SNTG2: variants seen among roughly 807,000 people sequenced by gnomAD.
SNTG2 encodes the protein gamma-2-syntrophin.
In SNTG2, 74 loss-of-function variants were observed where a neutral mutation model predicts 70.9. The observed-to-expected ratio is 1.04, with a 90% CI of 0.86 to 1.27. The LOEUF (loss-of-function observed/expected upper bound fraction) is 1.27. Among genes scored for constraint, SNTG2 ranks in the 50% most tolerant of loss-of-function variants. The pLI is 0.00. For synonymous variants in SNTG2, 278 were observed against 273.8 expected (o/e 1.02, Z -0.15); for missense variants, 717 against 690.7 (o/e 1.04, Z -0.43).
intron 4 of SNTG2, among the ~76,000 whole-genome samples, chr2:1,105,685 G>C (rs1558404299): frequency 1.3e-5 from 2 of 152,270 alleles, no homozygotes; most frequent in East Asian, 3.9e-4. Flanking sequence ...CCTCCTATGA[G>C]ATTCTTCCTC....
At chr2:1,111,573 A>G (rs1039536117) in intron 4 of SNTG2, among the ~76,000 whole-genome samples, 1 of 152,242 alleles carries the variant, frequency 6.6e-6, no homozygotes, top group Admixed American at 6.5e-5. Context: ...GGCAGGTGTC[A>G]GCATCCACCA....
intron 1 of SNTG2, among the ~76,000 whole-genome samples, chr2:978,802 T>C (rs1200995369): frequency 3.3e-5 from 5 of 152,260 alleles, no homozygotes; most frequent in African/African-American, 1.2e-4. Context: ...GGCTGAGTCT[T>C]AGTCTCATGT....
intron 11 of SNTG2, among the ~76,000 whole-genome samples, chr2:1,242,964 C>T (rs962936943): frequency 1.3e-5 from 2 of 152,104 alleles, no homozygotes; most frequent in Non-Finnish European, 2.9e-5. Flanking sequence ...TTAGAAAATT[C>T]ATAATGTAGA....
intron 11 of SNTG2, among the ~76,000 whole-genome samples, chr2:1,244,885 G>A (rs1186308016): frequency 1.3e-5 from 2 of 151,938 alleles, no homozygotes; most frequent in African/African-American, 4.8e-5. Flanking sequence ...CTGCTCCGAA[G>A]ATTTAGATTT....
chr2:1,106,073 ACACCTGC>A (rs1666115723), intron 4 of SNTG2, among the ~76,000 whole-genome samples: 3 of 142,090 alleles, frequency 2.1e-5, no homozygotes, highest in South Asian at 2.5e-4. Context: ...GTAATAGTGG[ACACCTGC>A]TGTCACTCGG....
rs1360283812 is a variant in SNTG2, at chr2:1,167,655, AGAAG to A, written c.499+2021_499+2024del. Among the ~76,000 whole-genome samples the A allele has an allele frequency of 4.4e-4, 40 of 90,802 alleles. 11 individuals carry two copies. The highest frequency in any genetic ancestry group is 1.7e-3 in the Admixed American group (15 of 8,594). The allele number at this position is 90,802 out of a possible 152,430, so 59.6% of individuals were successfully genotyped here. The stretch of plus-strand genomic sequence containing the variant: ...CCCACAGACGGCAGAACTGAAGCCT[AGAAG>A]CCGCCCACAGACGGCAGAACTGAAG... On this transcript the variant is annotated intron_variant, in intron 7 of 16. Coordinates refer to ENST00000308624, the MANE Select transcript of SNTG2 (RefSeq NM_018968.4).
chr2:1,120,035 A>G (rs1475032093), intron 4 of SNTG2, among the ~76,000 whole-genome samples: 3 of 152,168 alleles, frequency 2.0e-5, no homozygotes, highest in Non-Finnish European at 4.4e-5. Flanking sequence ...CACCTTGACT[A>G]TTACAACAAG....
At chr2:1,350,727 C>T (rs1023266938) in intron 16 of SNTG2, among the ~76,000 whole-genome samples, 2 of 151,804 alleles carry the variant, frequency 1.3e-5, no homozygotes, top group Non-Finnish European at 2.9e-5. Flanking sequence ...GTGTAAATGC[C>T]AACATGCTTC....
intron 1 of SNTG2, among the ~76,000 whole-genome samples, chr2:1,028,227 G>A (rs575952143): frequency 2.7e-5 from 4 of 148,576 alleles, no homozygotes; most frequent in African/African-American, 1.0e-4. Context: ...GTAAGCAGGT[G>A]CATCACTGAA....
chr2:1,070,282 C>T (rs1663444662), intron 1 of SNTG2, among the ~76,000 whole-genome samples: 1 of 151,952 alleles, frequency 6.6e-6, no homozygotes, highest in Non-Finnish European at 1.5e-5. Context: ...TGGGACATTG[C>T]AATTGATGAC....
intron 1 of SNTG2, among the ~76,000 whole-genome samples, chr2:1,023,142 G>GTT (rs72214044): frequency 2.0e-4 from 29 of 147,764 alleles, no homozygotes; most frequent in Admixed American, 5.4e-4. Context: ...ATTCACATAG[G>GTT]TTTTTTTTTT....
intron 8 of SNTG2, among the ~76,000 whole-genome samples, chr2:1,177,048 C>T (rs74501578): frequency 0.046 from 7,016 of 152,222 alleles, 271 homozygotes; most frequent in East Asian, 0.21. Context: ...AATTGCAGCA[C>T]TATTCACAAT....
intron 2 of SNTG2, among the ~76,000 whole-genome samples, chr2:1,096,170 T>C (rs980736166): frequency 1.3e-5 from 2 of 152,160 alleles, no homozygotes; most frequent in Non-Finnish European, 2.9e-5. Flanking sequence ...GGAAACCCTC[T>C]GTCCACATAA....
rs540079215 is a variant in SNTG2 at position 1,112,646 on chromosome 2, CTAAG to C, written c.325+14238_325+14241del. Among the ~76,000 whole-genome samples, 295 of 151,294 alleles carry C rather than the reference CTAAG, an allele frequency of 1.9e-3. 1 individual carries two copies. The highest frequency in any genetic ancestry group is 4.8e-3 in the Admixed American group (74 of 15,258). On this transcript the variant is annotated intron_variant, in intron 4 of 16. Transcript: ENST00000308624. Reference sequence around the variant, plus strand: ...AGTCCTTTGAGGAGAATCATGTGTACTAAGTGAGGGTTAACCCTTACAGTCCTTT... The same window carrying C: ...AGTCCTTTGAGGAGAATCATGTGTACTGAGGGTTAACCCTTACAGTCCTTT...
intron 9 of SNTG2, among the ~76,000 whole-genome samples, chr2:1,229,978 C>G (rs1428262330): frequency 6.6e-6 from 1 of 152,226 alleles, no homozygotes; most frequent in Admixed American, 6.5e-5. Context: ...GTGCCTCTCC[C>G]TCCACACCTC....
At chr2:1,070,113 C>T (rs1050250803) in intron 1 of SNTG2, among the ~76,000 whole-genome samples, 18 of 151,900 alleles carry the variant, frequency 1.2e-4, no homozygotes, top group African/African-American at 3.6e-4. Context: ...GAAGTGATGT[C>T]GGCAATTTCT....
At chr2:1,050,683 A>T (rs1299498930) in intron 1 of SNTG2, among the ~76,000 whole-genome samples, 1 of 152,122 alleles carries the variant, frequency 6.6e-6, no homozygotes, top group African/African-American at 2.4e-5. Context: ...CCCTTTATGA[A>T]TTTTTATGAC....
rs563419769 is a variant in SNTG2, at chr2:1,295,733, G to A, written c.1285-12761G>A. Among the ~76,000 whole-genome samples the A allele has an allele frequency of 2.1e-4, 32 of 152,100 alleles. No homozygotes were observed. The East Asian group carries it at 6.2e-3, about 30-fold the overall frequency. ...ATTGGGGAGGGAGGAGCAGGCAGAC[G>A]TCACCATCGATGGCTTCCACTGTAG... On this transcript the variant is annotated intron_variant, in intron 14 of 16. Coordinates refer to ENST00000308624, the MANE Select transcript of SNTG2 (RefSeq NM_018968.4).
At chr2:1,027,066 A>G (rs1011711064) in intron 1 of SNTG2, among the ~76,000 whole-genome samples, 6 of 152,116 alleles carry the variant, frequency 3.9e-5, no homozygotes, top group Non-Finnish European at 7.4e-5. Flanking sequence ...TTGCTGCTGC[A>G]GTTAGTTCTC....
Sources: allele counts gnomAD v4.1 joint callset (sites outside exome capture counted in the v4.1 genomes callset), GRCh38; gene constraint gnomAD v4.1.1; transcripts MANE v1.5; gene names NCBI Gene and HGNC (gene_info 2026-07-23, HGNC 2026-07-21).